The following RBM47 variants were observed in gnomAD, a reference collection of about 807,000 sequenced individuals.
RBM47 encodes RNA-binding protein 47.
RBM47 carries 21 observed loss-of-function variants against 47.1 expected under a neutral mutation model. The observed-to-expected ratio is 0.45, with a 90% confidence interval of 0.32 to 0.64. RBM47 has a LOEUF of 0.64. Among genes scored for constraint, RBM47 ranks in the 30% least tolerant of loss-of-function variants. The pLI is 0.05. For missense variants in RBM47, 708 were observed against 870.9 expected, an observed-to-expected ratio of 0.81 and a Z score of 2.35; for synonymous variants, 375 against 361.7, an observed-to-expected ratio of 1.04 and a Z score of -0.42.
chr4:40,461,065 TA>T (rs1717071363), intron 3 of RBM47, among the ~76,000 whole-genome samples: 1 of 152,040 alleles, frequency 6.6e-6, no homozygotes, highest in Admixed American at 6.6e-5. Context: ...GCACTTAAAT[TA>T]AGAATGGAAA....
intron 2 of RBM47, among the ~76,000 whole-genome samples, chr4:40,485,015 TTTC>T (rs1720891082): frequency 6.6e-6 from 1 of 152,242 alleles, no homozygotes; most frequent in African/African-American, 2.4e-5. Context: ...TTGTTTTCTT[TTTC>T]TTTTTTGTTT....
chr4:40,505,094 G>A (rs1379026459), intron 2 of RBM47, among the ~76,000 whole-genome samples: 1 of 152,184 alleles, frequency 6.6e-6, no homozygotes, highest in Non-Finnish European at 1.5e-5. Flanking sequence ...AGGAGGCTGA[G>A]GTAAGAGAAT....
intron 2 of RBM47, among the ~76,000 whole-genome samples, chr4:40,469,240 A>G (rs1718491364): frequency 6.6e-6 from 1 of 152,218 alleles, no homozygotes; most frequent in Admixed American, 6.5e-5. Flanking sequence ...CAAATTATTA[A>G]TATATAAATG....
intron 1 of RBM47, among the ~76,000 whole-genome samples, chr4:40,546,829 G>A (rs1181125461): frequency 1.3e-5 from 2 of 152,170 alleles, no homozygotes; most frequent in Non-Finnish European, 2.9e-5. Flanking sequence ...TCATTATACA[G>A]CTTTTACCTC....
intron 1 of RBM47, among the ~76,000 whole-genome samples, chr4:40,619,635 A>G (rs1476438227): frequency 1.3e-5 from 2 of 152,034 alleles, no homozygotes; most frequent in African/African-American, 4.8e-5. Context: ...TAGGACCTTC[A>G]TGAACGCTAC....
At chr4:40,502,330 G>A (rs2154250466) in intron 2 of RBM47, among the ~76,000 whole-genome samples, 1 of 152,254 alleles carries the variant, frequency 6.6e-6, no homozygotes, top group African/African-American at 2.4e-5. Flanking sequence ...AAAAAATGGA[G>A]TCCAGAACGT....
intron 2 of RBM47, chr4:40,514,529 G>A (rs1388134556): frequency 1.3e-5 from 2 of 152,120 alleles, no homozygotes; most frequent in Non-Finnish European, 2.9e-5. Flanking sequence ...CTAAGCACCT[G>A]GCGCTCTCTT....
At chr4:40,508,340 A>G (rs945437785) in intron 2 of RBM47, among the ~76,000 whole-genome samples, 1 of 152,224 alleles carries the variant, frequency 6.6e-6, no homozygotes, top group Non-Finnish European at 1.5e-5. Context: ...ACTCCCAGAA[A>G]CAGACCTCTT....
intron 1 of RBM47, among the ~76,000 whole-genome samples, chr4:40,626,331 T>C (rs1737731766): frequency 6.6e-6 from 1 of 152,186 alleles, no homozygotes; most frequent in South Asian, 2.1e-4. Flanking sequence ...TTGTAATCAG[T>C]TTACTTTTGG....
At chr4:40,436,360 G>T in intron 5 of RBM47, 81 bp downstream of exon 5, 1 of 1,413,720 alleles carries the variant, frequency 7.1e-7, no homozygotes, top group Non-Finnish European at 9.8e-7. Flanking sequence ...GTGAGAGCCT[G>T]AAAAACGCTT....
chr4:40,506,285 T>C (rs1374460843), intron 2 of RBM47, among the ~76,000 whole-genome samples: 1 of 152,102 alleles, frequency 6.6e-6, no homozygotes, highest in African/African-American at 2.4e-5. Flanking sequence ...AGGGAAAAAA[T>C]GCCACCTGGG....
At chr4:40,569,470 T>A (rs575533374) in intron 1 of RBM47, among the ~76,000 whole-genome samples, 5 of 148,670 alleles carry the variant, frequency 3.4e-5, no homozygotes, top group Admixed American at 1.3e-4. Context: ...AGTGCAGTGG[T>A]GCGATCTCAG....
intron 2 of RBM47, among the ~76,000 whole-genome samples, chr4:40,504,007 T>G (rs947778821): frequency 6.6e-6 from 1 of 151,882 alleles, no homozygotes; most frequent in African/African-American, 2.4e-5. Context: ...ACCCCCGTCT[T>G]GGAAAAAAAA....
chr4:40,467,836 C>T (rs1010592484), intron 2 of RBM47, among the ~76,000 whole-genome samples: 1 of 152,186 alleles, frequency 6.6e-6, no homozygotes, highest in Admixed American at 6.5e-5. Flanking sequence ...GAGCCCCCAT[C>T]AAGCCAACTG....
chr4:40,543,347 G>C (rs1728724005), intron 2 of RBM47: 1 of 152,118 alleles, frequency 6.6e-6, no homozygotes, highest in African/African-American at 2.4e-5. Context: ...ATAAGTGTCT[G>C]ATTCTGGGAT....
At chr4:40,505,510 G>T (rs1051402675) in intron 2 of RBM47, among the ~76,000 whole-genome samples, 3 of 149,554 alleles carry the variant, frequency 2.0e-5, no homozygotes, top group East Asian at 3.9e-4. Context: ...AAAAAAAGAT[G>T]CTGGACTAAA....
chr4:40,459,320 T>G (rs1716748551), intron 3 of RBM47, among the ~76,000 whole-genome samples: 1 of 152,232 alleles, frequency 6.6e-6, no homozygotes. Context: ...AGAAACATGG[T>G]AGGACAAAGC....
At chr4:40,588,953 T>C (rs1007221522) in intron 1 of RBM47, among the ~76,000 whole-genome samples, 1 of 151,890 alleles carries the variant, frequency 6.6e-6, no homozygotes, top group African/African-American at 2.4e-5. Context: ...GTTTTAGTTT[T>C]AGGGGAAAGA....
chr4:40,546,155 CTT>C (rs918529964), intron 1 of RBM47, among the ~76,000 whole-genome samples: 1 of 148,122 alleles, frequency 6.8e-6, no homozygotes, highest in Admixed American at 6.8e-5. Context: ...TAAGTAAATA[CTT>C]TTTTTTTTTC....
Sources: gnomAD v4.1 joint callset for allele counts (sites outside exome capture counted in the v4.1 genomes callset) on GRCh38, gnomAD v4.1.1 for gene constraint, MANE v1.5 for transcripts, NCBI Gene and HGNC (gene_info 2026-07-23, HGNC 2026-07-21) for gene names.